Variants in PHEX observed in about 807,000 individuals in gnomAD.
PHEX encodes phosphate-regulating neutral endopeptidase PHEX.
PHEX carries 16 observed loss-of-function variants against 68.0 expected under a neutral mutation model. That is an observed-to-expected ratio of 0.24 (90% CI 0.16 to 0.36). The LOEUF (loss-of-function observed/expected upper bound fraction) is 0.36, where lower values mean the gene tolerates loss of function less well. Among genes scored for constraint, PHEX ranks in the 10% least tolerant of loss-of-function variants. The probability of loss-of-function intolerance (pLI) is 1.00; values close to 1 mark genes in which losing one functional copy is unlikely to be tolerated. For synonymous variants in PHEX, 208 were observed against 205.1 expected (o/e 1.01, Z -0.12); for missense variants, 480 against 575.5 (o/e 0.83, Z 1.70).
At chrX:22,233,405 T>C (rs1386937568) in intron 20 of PHEX, among the ~76,000 whole-genome samples, 1 of 111,594 alleles carries the variant, frequency 9.0e-6, no homozygotes, top group African/African-American at 3.3e-5. Flanking sequence ...GAAGAGTGTT[T>C]TCCAACTTGG....
intron 17 of PHEX, among the ~76,000 whole-genome samples, chrX:22,219,445 A>G (rs1935196859): frequency 8.9e-6 from 1 of 112,361 alleles, no homozygotes; most frequent in Non-Finnish European, 1.9e-5. Flanking sequence ...GTCTTGAGAT[A>G]TTCTCCCTGG....
rs113655123 is a variant in PHEX at position 22,144,796 on chromosome X, C to T, written c.1404+11172C>T. 4.9e-3 allele frequency among the ~76,000 whole-genome samples: 538 copies of T among 109,217 alleles called. 3 individuals are homozygous for T. Among genetic ancestry groups the T allele is most frequent in the African/African-American group, 0.017 (522 of 29,925 alleles). The allele number at this position is 109,217 out of a possible 115,157, so 94.8% of individuals were successfully genotyped here. A position where few individuals can be genotyped will look rare whatever the true frequency, so the allele number is the denominator to read the frequency against. Reference sequence around the variant, plus strand: ...TGAATCAGTATCCAGATGAGGTCTGCATATTGCAGTCAATAGGTACATCTT... The same window carrying T: ...TGAATCAGTATCCAGATGAGGTCTGTATATTGCAGTCAATAGGTACATCTT... On this transcript the variant is annotated intron_variant, in intron 12 of 21. Transcript: ENST00000379374.
At chrX:22,140,861 A>G (rs973397128) in intron 12 of PHEX, among the ~76,000 whole-genome samples, 3 of 111,367 alleles carry the variant, frequency 2.7e-5, no homozygotes, top group Non-Finnish European at 5.6e-5. Flanking sequence ...TGGATGTTCT[A>G]AATGCTTCAC....
chrX:22,216,747 C>A (rs969885316), intron 16 of PHEX, among the ~76,000 whole-genome samples: 1 of 109,834 alleles, frequency 9.1e-6, no homozygotes, highest in Non-Finnish European at 1.9e-5. Flanking sequence ...CTCGAACTCC[C>A]GACCCCAGGT....
At chrX:22,157,504 ATTAC>A (rs760695721) in intron 12 of PHEX, among the ~76,000 whole-genome samples, 6 of 112,457 alleles carry the variant, frequency 5.3e-5, no homozygotes, top group Admixed American at 9.4e-5. Flanking sequence ...AAACTCAAAT[ATTAC>A]TTTCTTTCTT....
intron 11 of PHEX, among the ~76,000 whole-genome samples, chrX:22,124,690 G>C (rs969036021): frequency 4.5e-5 from 5 of 111,644 alleles, no homozygotes; most frequent in African/African-American, 1.6e-4. Flanking sequence ...GAAAAGATGA[G>C]TTATAAAATT....
chrX:22,138,068 C>G (rs1303378801), intron 12 of PHEX, among the ~76,000 whole-genome samples: 1 of 112,404 alleles, frequency 8.9e-6, no homozygotes, highest in Non-Finnish European at 1.9e-5. Context: ...TGCTGACTGC[C>G]TTTCTTTCTC....
chrX:22,226,334 C>A, intron 18 of PHEX, 109 bp from the exon 19 acceptor site: 1 of 588,058 alleles, frequency 1.7e-6, no homozygotes, highest in Non-Finnish European at 2.9e-6. Context: ...GTGATTTTCT[C>A]TTTAAAATAT....
intron 12 of PHEX, among the ~76,000 whole-genome samples, chrX:22,136,291 A>T (rs938544152): frequency 8.9e-6 from 1 of 111,749 alleles, no homozygotes; most frequent in Non-Finnish European, 1.9e-5. Context: ...TTAGATGGAA[A>T]TCTCCCACTA....
chrX:22,217,330 A>C (rs979444369), intron 16 of PHEX, among the ~76,000 whole-genome samples: 4 of 112,549 alleles, frequency 3.6e-5, no homozygotes, highest in Non-Finnish European at 7.5e-5. Flanking sequence ...GCAATGATGG[A>C]AAAACAGTAG....
chrX:22,245,286 C>T, intron 20 of PHEX, 47 bp from the exon 21 acceptor site: 4 of 1,017,444 alleles, frequency 3.9e-6, no homozygotes, highest in Non-Finnish European at 5.6e-6. Context: ...GCAGAAAATA[C>T]ATAATTGGAA....
intron 15 of PHEX, among the ~76,000 whole-genome samples, chrX:22,195,333 C>A (rs1473702952): frequency 8.9e-6 from 1 of 111,902 alleles, no homozygotes; most frequent in Non-Finnish European, 1.9e-5. Flanking sequence ...GTGGCTCACG[C>A]CTGTAATCCC....
intron 13 of PHEX, chrX:22,172,782 G>T: frequency 9.0e-6 from 1 of 111,437 alleles, no homozygotes; most frequent in Non-Finnish European, 1.9e-5. Flanking sequence ...AAAAACTACA[G>T]GTAAATAACT....
At chrX:22,243,816 G>A (rs764118868) in intron 20 of PHEX, among the ~76,000 whole-genome samples, 47 of 112,218 alleles carry the variant, frequency 4.2e-4, no homozygotes, top group African/African-American at 1.4e-3. Flanking sequence ...AAATAGGAAC[G>A]CTTTTACATT....
chrX:22,089,934 T>A (rs1485550080), intron 5 of PHEX, among the ~76,000 whole-genome samples: 2 of 112,237 alleles, frequency 1.8e-5, no homozygotes, highest in Non-Finnish European at 3.8e-5. Flanking sequence ...ATTTTAGAGA[T>A]AAGGAGTTGG....
chrX:22,217,807 G>T (rs1186204178), intron 16 of PHEX, among the ~76,000 whole-genome samples: 2 of 111,669 alleles, frequency 1.8e-5, no homozygotes, highest in African/African-American at 6.5e-5. Context: ...TAAGAGAGTG[G>T]CCTCAATAGA....
At chrX:22,129,181 G>A (rs773112464) in intron 11 of PHEX, among the ~76,000 whole-genome samples, 1 of 111,193 alleles carries the variant, frequency 9.0e-6, no homozygotes, top group Non-Finnish European at 1.9e-5. Flanking sequence ...GACAAACGAA[G>A]GGTGATTCAC....
intron 12 of PHEX, among the ~76,000 whole-genome samples, chrX:22,153,164 T>C (rs1932885677): frequency 9.0e-6 from 1 of 110,904 alleles, no homozygotes; most frequent in African/African-American, 3.3e-5. Context: ...ACTAATTTAT[T>C]TTTTTGTAAA....
intron 4 of PHEX, 55 bp downstream of exon 4, chrX:22,076,529 C>T: frequency 1.3e-6 from 1 of 761,663 alleles, no homozygotes; most frequent in Admixed American, 2.3e-5. Flanking sequence ...CTTTAGAGTT[C>T]TATTAATGTT....
Sources: gnomAD v4.1 joint callset for allele counts (sites outside exome capture counted in the v4.1 genomes callset) on GRCh38, gnomAD v4.1.1 for gene constraint, MANE v1.5 for transcripts, NCBI Gene and HGNC (gene_info 2026-07-23, HGNC 2026-07-21) for gene names.